Variants in PTPRN2 observed in about 807,000 individuals in gnomAD.
PTPRN2 encodes the protein protein tyrosine phosphatase receptor type N2, also known as receptor-type tyrosine-protein phosphatase N2.
Under a neutral mutation model 118.8 loss-of-function variants are expected in PTPRN2, and 74 were observed. The observed-to-expected ratio is 0.62, with a 90% CI of 0.52 to 0.76. The LOEUF is 0.76. Among genes scored for constraint, PTPRN2 ranks in the 30% least tolerant of loss-of-function variants. PTPRN2 has a pLI of 0.00. For missense variants in PTPRN2, 1,481 were observed against 1,394.4 expected (o/e 1.06, Z -0.99); for synonymous variants, 641 against 608.0 (o/e 1.05, Z -0.80).
chr7:157,883,727 G>A (rs181009906), intron 12 of PTPRN2, among the ~76,000 whole-genome samples: 33 of 139,542 alleles, frequency 2.4e-4, no homozygotes, highest in African/African-American at 3.7e-4. Flanking sequence ...AAAGACTGTC[G>A]GAGATTGGAA....
intron 2 of PTPRN2, among the ~76,000 whole-genome samples, chr7:158,318,780 G>T (rs1363142366): frequency 1.3e-5 from 2 of 152,242 alleles, no homozygotes; most frequent in African/African-American, 4.8e-5. Context: ...GCCAGCTCAG[G>T]GCATGGCAGA....
chr7:157,594,969 C>T (rs751878223), intron 17 of PTPRN2, among the ~76,000 whole-genome samples: 1 of 152,182 alleles, frequency 6.6e-6, no homozygotes, highest in African/African-American at 2.4e-5. Context: ...TTTATCCTCG[C>T]TGTTTTATAA....
chr7:158,157,747 A>ACCCC (rs113485142), intron 6 of PTPRN2, among the ~76,000 whole-genome samples: 30 of 151,866 alleles, frequency 2.0e-4, no homozygotes, highest in African/African-American at 7.2e-4. Flanking sequence ...CCACAGAGTG[A>ACCCC]CCCCCCCAGC....
chr7:158,089,699 G>T (rs1813873634), intron 10 of PTPRN2, among the ~76,000 whole-genome samples: 1 of 143,906 alleles, frequency 6.9e-6, no homozygotes, highest in Admixed American at 6.7e-5. Context: ...GAAAGAGGGG[G>T]TCTTCACACA....
intron 2 of PTPRN2, among the ~76,000 whole-genome samples, chr7:158,485,732 G>A (rs1820971861): frequency 6.6e-6 from 1 of 152,024 alleles, no homozygotes. Flanking sequence ...CTTTTAGCAG[G>A]AACATGCTCA....
At position 158,330,081 on chromosome 7, in the gene PTPRN2, C is replaced by T. The variant is rs1183421979; in HGVS notation, c.164-13149G>A. ...CCCACACTCTCACCATAAGAGCTGA[C>T]ACCTGCAGACGTCACTCACACCCAC... On this transcript the variant is annotated intron_variant, in intron 2 of 22. Transcript: ENST00000389418. 3.4e-5 allele frequency among the ~76,000 whole-genome samples: 5 copies of T among 147,156 alleles called. No homozygotes were observed. The East Asian group carries it at 6.1e-4, about 18-fold the overall frequency.
chr7:158,139,331 T>C (rs11971401), intron 6 of PTPRN2, among the ~76,000 whole-genome samples: 70,436 of 151,920 alleles, frequency 0.46, 16,601 homozygotes, highest in East Asian at 0.7. Flanking sequence ...CGTCTGAAAT[T>C]TAAAATTTAT....
intron 1 of PTPRN2, among the ~76,000 whole-genome samples, chr7:158,534,887 C>A (rs567850742): frequency 1.3e-5 from 2 of 152,162 alleles, no homozygotes; most frequent in African/African-American, 4.8e-5. Context: ...GGGTGGGAAA[C>A]GCAGCGGGAG....
intron 12 of PTPRN2, among the ~76,000 whole-genome samples, chr7:157,828,401 A>T (rs1324425052): frequency 6.6e-6 from 1 of 152,006 alleles, no homozygotes; most frequent in Non-Finnish European, 1.5e-5. Flanking sequence ...ACTTGCCCCC[A>T]CTTCCGCAAG....
chr7:157,788,398 T>TAAAAAAAAAA (rs1804216156), intron 12 of PTPRN2, among the ~76,000 whole-genome samples: 1 of 128,222 alleles, frequency 7.8e-6, no homozygotes, highest in South Asian at 2.5e-4. Flanking sequence ...AAAAAGAAAG[T>TAAAAAAAAAA]ACAGGAAGCT....
intron 21 of PTPRN2, among the ~76,000 whole-genome samples, chr7:157,557,422 GCACA>G (rs755963382): frequency 4.6e-5 from 7 of 151,126 alleles, no homozygotes; most frequent in Non-Finnish European, 7.4e-5. Flanking sequence ...AGCTCACACT[GCACA>G]CAAACATTCC....
At position 157,618,963 on chromosome 7, in the gene PTPRN2, C is replaced by G. The variant is rs556579049; in HGVS notation, c.2344+2399G>C. 1.3e-5 allele frequency among the ~76,000 whole-genome samples: 2 copies of G among 152,068 alleles called. No individual in the cohort carries two copies. The highest frequency in any genetic ancestry group is 2.9e-5 in the Non-Finnish European group (2 of 68,006). On this transcript the variant is annotated intron_variant, in intron 15 of 22. Transcript: ENST00000389418. The surrounding 1 kb of genome is among the most constrained non-coding windows in gnomAD (Gnocchi z 4.2). ...GGAGGGAGGTGCTTTCCCCCTCACC[C>G]GTCACCTGGCTCAGAATGGGCAGGG...
chr7:157,662,095 AT>A (rs780322354), intron 13 of PTPRN2, among the ~76,000 whole-genome samples: 10 of 152,178 alleles, frequency 6.6e-5, no homozygotes, highest in Admixed American at 6.5e-5. Context: ...AGAGGGCCTG[AT>A]TTTGAATCTG....
intron 12 of PTPRN2, among the ~76,000 whole-genome samples, chr7:157,866,439 TGTACACACACGAACATGC>T (rs1417837601): frequency 6.6e-6 from 1 of 152,026 alleles, no homozygotes; most frequent in African/African-American, 2.4e-5. Flanking sequence ...CACGACCATA[TGTACACACACGAACATGC>T]ACGATCACAC....
rs1563246144 is a variant in PTPRN2, at chr7:157,596,078, C to G, written c.2419-763G>C. 2.6e-5 allele frequency among the ~76,000 whole-genome samples: 4 copies of G among 152,228 alleles called. No individual in the cohort carries two copies. The highest frequency in any genetic ancestry group is 1.5e-5 in the Non-Finnish European group (1 of 68,030). ...CGAGCCTCTTGCTAGAGCCACAGGG[C>G]TGGCTGGGGTGAGGCTGAGCTCCAA... On this transcript the variant is annotated intron_variant, in intron 16 of 22. Transcript: ENST00000389418. The surrounding 1 kb of genome is among the most constrained non-coding windows in gnomAD (Gnocchi z 4.2).
chr7:158,489,745 G>T lies in PTPRN2; in HGVS notation c.153C>A (p.Ala51=). ...GGACCCCACACTCACCGTTCACACA[G>T]GCCTCGGACGCTCCGCAGAGGCCCT... The part of the protein sequence containing the change: ...LEEGLCGASE[A]CVNDGVFGRC... Residue 51 remains alanine (A), a synonymous_variant, in exon 2 of 23, where the codon GCC becomes GCA. Coordinates refer to ENST00000389418, the MANE Select transcript of PTPRN2 (RefSeq NM_002847.5). The T allele has an allele frequency of 6.3e-7, 1 of 1,583,878 alleles. No homozygotes were observed. Among genetic ancestry groups the T allele is most frequent in the South Asian group, 1.2e-5 (1 of 86,758 alleles).
At chr7:158,149,152 C>T (rs1353806791) in intron 6 of PTPRN2, among the ~76,000 whole-genome samples, 39 of 148,456 alleles carry the variant, frequency 2.6e-4, no homozygotes, top group Admixed American at 8.1e-4. Context: ...GTGTCTTTCC[C>T]CCTCAGTGAC....
rs911669426 is a variant in PTPRN2, at chr7:157,977,198, G to A, written c.1724-78461C>T. 7.9e-5 allele frequency among the ~76,000 whole-genome samples: 12 copies of A among 151,922 alleles called. No homozygotes were observed. The highest frequency in any genetic ancestry group is 1.5e-4 in the Non-Finnish European group (10 of 67,958). Reference sequence around the variant, plus strand: ...AGAGAGCCTATTGCGTACAGGTGCCGTTCCAGCACCGGGGACTCCCTGGTG... The same window carrying A: ...AGAGAGCCTATTGCGTACAGGTGCCATTCCAGCACCGGGGACTCCCTGGTG... On this transcript the variant is annotated intron_variant, in intron 11 of 22. Coordinates refer to ENST00000389418, the MANE Select transcript of PTPRN2 (RefSeq NM_002847.5). The surrounding 1 kb of genome is among the most constrained non-coding windows in gnomAD (Gnocchi z 4.6).
At chr7:158,092,884 C>A (rs1814307765) in intron 10 of PTPRN2, among the ~76,000 whole-genome samples, 1 of 152,130 alleles carries the variant, frequency 6.6e-6, no homozygotes, top group African/African-American at 2.4e-5. Context: ...TGGGCGCAAA[C>A]CAAGAGAGCA....
Sources: allele counts gnomAD v4.1 joint callset (sites outside exome capture counted in the v4.1 genomes callset), GRCh38; gene constraint gnomAD v4.1.1; non-coding constraint Gnocchi (gnomAD v3.1); transcripts MANE v1.5; gene names NCBI Gene and HGNC (gene_info 2026-07-23, HGNC 2026-07-21).